The following LRP1B variants were observed in gnomAD, a reference collection of about 807,000 sequenced individuals.
LRP1B encodes the protein LDL receptor related protein 1B.
LRP1B carries 217 observed loss-of-function variants against 556.6 expected under a neutral mutation model. That is an observed-to-expected ratio of 0.39 (90% CI 0.35 to 0.44). LRP1B has a LOEUF of 0.44. Among genes scored for constraint, LRP1B ranks in the 20% least tolerant of loss-of-function variants. The pLI, the probability that LRP1B is intolerant of heterozygous loss-of-function variation, is 1.00. For synonymous variants in LRP1B, 2,047 were observed against 1,865.8 expected, an observed-to-expected ratio of 1.10 and a Z score of -2.50; for missense variants, 5,053 against 5,620.8, an observed-to-expected ratio of 0.90 and a Z score of 3.23.
intron 2 of LRP1B, among the ~76,000 whole-genome samples, chr2:141,705,898 C>T (rs1316424973): frequency 2.0e-5 from 3 of 151,958 alleles, no homozygotes; most frequent in Non-Finnish European, 4.4e-5. Context: ...CATAGCATGC[C>T]ATTCAATGAT....
chr2:141,218,982 G>T (rs937144595), intron 6 of LRP1B, among the ~76,000 whole-genome samples: 4 of 152,218 alleles, frequency 2.6e-5, no homozygotes, highest in African/African-American at 7.2e-5. Flanking sequence ...GTGCCACACA[G>T]GATAAGGGGA....
intron 2 of LRP1B, among the ~76,000 whole-genome samples, chr2:141,488,907 A>C (rs1454932122): frequency 1.3e-5 from 2 of 151,960 alleles, no homozygotes; most frequent in Non-Finnish European, 2.9e-5. Context: ...TAAGTTATAC[A>C]TGAAGATTTC....
At chr2:141,268,220 C>T (rs1454434599) in intron 3 of LRP1B, among the ~76,000 whole-genome samples, 4 of 152,018 alleles carry the variant, frequency 2.6e-5, no homozygotes, top group Admixed American at 6.6e-5. Context: ...ATGCACTTTG[C>T]CTAAATCCCA....
At chr2:142,030,468 T>C (rs1478538871) in intron 1 of LRP1B, among the ~76,000 whole-genome samples, 2 of 151,956 alleles carry the variant, frequency 1.3e-5, no homozygotes, top group African/African-American at 4.8e-5. Flanking sequence ...GGCCCTAGAA[T>C]ACTTTCACAA....
At chr2:140,629,656 T>G (rs1307884558) in intron 41 of LRP1B, among the ~76,000 whole-genome samples, 1 of 152,168 alleles carries the variant, frequency 6.6e-6, no homozygotes, top group Non-Finnish European at 1.5e-5. Context: ...AACAAAATTT[T>G]ATGACATTGT....
chr2:141,298,646 C>T (rs1238093665), intron 3 of LRP1B, among the ~76,000 whole-genome samples: 1 of 151,994 alleles, frequency 6.6e-6, no homozygotes, highest in Non-Finnish European at 1.5e-5. Context: ...TAATCTGTAG[C>T]CTTTCTCTGT....
At chr2:140,750,991 C>CTTTTTTTTTTTTTTTTTTTTTTTTTT (rs562658619) in intron 35 of LRP1B, among the ~76,000 whole-genome samples, 1 of 98,096 alleles carries the variant, frequency 1.0e-5, no homozygotes, top group Non-Finnish European at 2.0e-5. Context: ...CTTTTTTTTT[C>CTTTTTTTTTTTTTTTTTTTTTTTTTT]TTTTTTTTTT....
chr2:140,509,861 CA>C, intron 52 of LRP1B, 66 bp downstream of exon 52: 1 of 1,567,206 alleles, frequency 6.4e-7, no homozygotes, highest in East Asian at 2.3e-5. Context: ...GCAAATACTA[CA>C]AAAACAAATA....
chr2:141,387,469 T>G (rs1689873786), intron 3 of LRP1B, among the ~76,000 whole-genome samples: 1 of 151,994 alleles, frequency 6.6e-6, no homozygotes, highest in Non-Finnish European at 1.5e-5. Context: ...ATAACTAAAA[T>G]CAAAGTATAG....
chr2:141,916,348 C>CTTATTTATTTATTTATTTATTTAT lies in LRP1B; in HGVS notation c.83-105971_83-105948dup, dbSNP rs61643665. ...GAAAACCAAATACCACACGTTTTCA[C>CTTATTTATTTATTTATTTATTTAT]TTATTTATTTATTTATTTATTTATT... is the stretch of plus-strand genomic sequence containing the variant. On this transcript the variant is annotated intron_variant, in intron 1 of 90. Transcript: ENST00000389484. Among the ~76,000 whole-genome samples, 361 of 141,890 alleles carry CTTATTTATTTATTTATTTATTTAT rather than the reference C, an allele frequency of 2.5e-3. 2 individuals carry two copies. The highest frequency in any genetic ancestry group is 5.5e-3 in the East Asian group (26 of 4,754). The allele number at this position is 141,890 out of a possible 152,430, so 93.1% of individuals were successfully genotyped here.
intron 6 of LRP1B, among the ~76,000 whole-genome samples, chr2:141,200,224 C>G (rs1681947627): frequency 6.6e-6 from 1 of 152,002 alleles, no homozygotes; most frequent in South Asian, 2.1e-4. Flanking sequence ...TACATATACA[C>G]CAAAGAAAAC....
chr2:141,114,100 G>T (rs911781875), intron 7 of LRP1B, among the ~76,000 whole-genome samples: 15 of 152,366 alleles, frequency 9.8e-5, no homozygotes, highest in African/African-American at 3.1e-4. Context: ...TGCCACAGGG[G>T]TGTGGCTCGT....
intron 3 of LRP1B, among the ~76,000 whole-genome samples, chr2:141,456,676 A>C (rs1681641388): frequency 6.6e-6 from 1 of 152,240 alleles, no homozygotes; most frequent in Non-Finnish European, 1.5e-5. Flanking sequence ...GTTCAAAGAA[A>C]TCTTCCTAGA....
intron 7 of LRP1B, among the ~76,000 whole-genome samples, chr2:141,170,302 T>G (rs567034476): frequency 6.1e-4 from 93 of 152,226 alleles, no homozygotes; most frequent in Non-Finnish European, 1.2e-3. Flanking sequence ...TTGTTTGATT[T>G]CTCTCATTCT....
At chr2:140,450,697 A>T (rs1373963831) in intron 62 of LRP1B, 36 bp from the exon 63 acceptor site, 4 of 1,419,756 alleles carry the variant, frequency 2.8e-6, no homozygotes, top group Non-Finnish European at 3.9e-6. Flanking sequence ...AATGTTGAAG[A>T]ACCCAGTGCA....
intron 2 of LRP1B, among the ~76,000 whole-genome samples, chr2:141,724,802 T>C (rs1692968018): frequency 6.6e-6 from 1 of 152,010 alleles, no homozygotes; most frequent in South Asian, 2.1e-4. Flanking sequence ...AGAACAATAA[T>C]CTTATCTGCA....
intron 11 of LRP1B, among the ~76,000 whole-genome samples, chr2:141,042,698 G>T (rs1372861479): frequency 6.6e-6 from 1 of 151,956 alleles, no homozygotes. Context: ...GATTGTATGG[G>T]ACAATGAACA....
chr2:141,812,308 TTTATTAGTAA>T (rs11278321), intron 1 of LRP1B, among the ~76,000 whole-genome samples: 22,362 of 151,884 alleles, frequency 0.15, 2,606 homozygotes, highest in African/African-American at 0.33. Flanking sequence ...TGAAAGTAGG[TTTATTAGTAA>T]TTATTAGTAA....
chr2:141,302,895 C>A (rs1686449965), intron 3 of LRP1B, among the ~76,000 whole-genome samples: 1 of 151,980 alleles, frequency 6.6e-6, no homozygotes, highest in African/African-American at 2.4e-5. Flanking sequence ...AATCCTTGTG[C>A]AATATCAATA....
Sources: allele counts gnomAD v4.1 joint callset (sites outside exome capture counted in the v4.1 genomes callset), GRCh38; gene constraint gnomAD v4.1.1; transcripts MANE v1.5; gene names NCBI Gene and HGNC (gene_info 2026-07-23, HGNC 2026-07-21).